Variants in RUNX3 observed in about 807,000 individuals in gnomAD.
RUNX3 encodes runt-related transcription factor 3.
Under a neutral mutation model 27.7 loss-of-function variants are expected in RUNX3, and 10 were observed. That is an observed-to-expected ratio of 0.36 (90% CI 0.22 to 0.61). The LOEUF (loss-of-function observed/expected upper bound fraction) is 0.61, where lower values mean the gene tolerates loss of function less well. Among genes scored for constraint, RUNX3 ranks in the 20% least tolerant of loss-of-function variants. RUNX3 has a pLI of 0.72. For missense variants in RUNX3, 469 were observed against 629.5 expected, an observed-to-expected ratio of 0.75 and a Z score of 2.73; for synonymous variants, 270 against 269.2, an observed-to-expected ratio of 1.00 and a Z score of -0.03.
At chr1:24,958,379 C>T (rs1642004511) in intron 2 of RUNX3, among the ~76,000 whole-genome samples, 1 of 152,186 alleles carries the variant, frequency 6.6e-6, no homozygotes, top group Admixed American at 6.5e-5. Flanking sequence ...AGTCAGTTTT[C>T]CTGCTGCTGA....
At chr1:24,929,456 C>T (rs780305594) in intron 1 of RUNX3, 131 bp downstream of exon 1, 4 of 931,226 alleles carry the variant, frequency 4.3e-6, no homozygotes, top group East Asian at 2.6e-5. Context: ...CCAGACTGAA[C>T]CGGGTGCCCG....
exon 2 of RUNX3, chr1:24,964,664 A>G: frequency 1.3e-6 from 2 of 1,510,748 alleles, no homozygotes; most frequent in South Asian, 1.2e-5. Flanking sequence ...TTTTTCCTCT[A>G]GCTACTTTTG....
intron 4 of RUNX3, among the ~76,000 whole-genome samples, chr1:24,906,125 A>G (rs1640660148): frequency 6.6e-6 from 1 of 152,194 alleles, no homozygotes; most frequent in Admixed American, 6.5e-5. Flanking sequence ...GTCAGTAGAG[A>G]GACCCAGTCG....
At chr1:24,957,542 G>A (rs1374343925) in intron 2 of RUNX3, among the ~76,000 whole-genome samples, 1 of 152,252 alleles carries the variant, frequency 6.6e-6, no homozygotes, top group African/African-American at 2.4e-5. Flanking sequence ...AAAGGGAAGG[G>A]CTGGGAAGGC....
rs554961170 is a variant in RUNX3 at position 24,908,258 on chromosome 1, C to T, written c.545-841G>A. Among the ~76,000 whole-genome samples the T allele has an allele frequency of 4.7e-4, 70 of 149,890 alleles. 2 individuals carry two copies. Among genetic ancestry groups the T allele is most frequent in the African/African-American group, 1.6e-3 (63 of 39,642 alleles). ...TGACACGCGGTGATCTGAACCTCTA[C>T]GACACGCGGTGATCCAAACCTCTAC... On this transcript the variant is annotated intron_variant, in intron 3 of 4. Coordinates refer to ENST00000308873, the MANE Select transcript of RUNX3 (RefSeq NM_004350.3).
At position 24,929,793 on chromosome 1, in the gene RUNX3, C is replaced by T. The variant is rs1641179806; in HGVS notation, c.76G>A (p.Gly26Ser). The change falls in exon 1 of 5, where the codon GGC becomes AGC. Residue 26 changes from glycine to serine, a missense_variant. By Grantham distance (56) the Gly-to-Ser change is moderately conservative. This residue lies in a region of RUNX3 where 115 missense variants were observed against 118.0 expected (regional missense o/e 0.97). Transcript: ENST00000308873. ...CCGCTGTTCTCGCCCATCTTGCCGC[C>T]GCCGCCGCCGCAGGGGAAGGCCGGG... ...PSPAFPCGGG[G>S]GKMGENSGAL... is the part of the protein sequence containing the mutation. The T allele has an allele frequency of 1.4e-6, 2 of 1,427,052 alleles. No individual in the cohort carries two copies. The highest frequency in any genetic ancestry group is 1.8e-6 in the Non-Finnish European group (2 of 1,098,262). 88.4% of individuals were successfully genotyped at this position (1,427,052 alleles called of 1,614,324 possible).
intron 2 of RUNX3, among the ~76,000 whole-genome samples, chr1:24,946,051 A>G (rs1477552047): frequency 6.6e-6 from 1 of 152,178 alleles, no homozygotes; most frequent in East Asian, 1.9e-4. Context: ...TTGAGAATGA[A>G]TGAATGAATG....
chr1:24,933,266 A>G (rs1393090710), upstream of RUNX3, among the ~76,000 whole-genome samples: 2 of 152,202 alleles, frequency 1.3e-5, no homozygotes, highest in African/African-American at 4.8e-5. Flanking sequence ...GCTCTAGGGA[A>G]AGTTGCCTAA....
In RUNX3 at chr1:24,929,689, C is replaced by G. The variant is rs1420456702; in HGVS notation, c.180G>C (p.Ala60=). ...PEVRSMVDVL[A]DHAGELVRTD... ...TGCGCACGAGCTCGCCTGCGTGGTC[C>G]GCCAGCACGTCCACCATCGAGCGCA... Residue 60 remains alanine, a synonymous_variant, in exon 1 of 5, where the codon GCG becomes GCC. Coordinates refer to ENST00000308873, the MANE Select transcript of RUNX3 (RefSeq NM_004350.3). 1 of 1,580,980 alleles carries G rather than the reference C, an allele frequency of 6.3e-7. No individual in the cohort carries two copies. Among genetic ancestry groups the G allele is most frequent in the South Asian group, 1.1e-5 (1 of 87,796 alleles).
rs569747043 is a variant in RUNX3 at position 24,954,713 on chromosome 1, C to T, written c.58+9801G>A. 6.6e-5 allele frequency among the ~76,000 whole-genome samples: 10 copies of T among 152,346 alleles called. No individual in the cohort carries two copies. The East Asian group carries it at 1.5e-3, about 24-fold the overall frequency. ...GTCCAACCACGGACGTGGCCATCCA[C>T]GGAGCCCTCTACGTGCCTCAGAGCA... On this transcript the variant is annotated intron_variant, in intron 2 of 6. Transcript: ENST00000338888.
At chr1:24,932,452 C>A (rs1229923708), upstream of RUNX3, among the ~76,000 whole-genome samples, 3 of 152,060 alleles carry the variant, frequency 2.0e-5, no homozygotes, top group African/African-American at 7.2e-5. Context: ...GAGGTGCGGG[C>A]CCGGCCGGGC....
chr1:24,945,332 A>G (rs900618690), intron 2 of RUNX3, among the ~76,000 whole-genome samples: 13 of 152,240 alleles, frequency 8.5e-5, no homozygotes, highest in African/African-American at 2.9e-4. Context: ...TAGGATCTCA[A>G]TAAATGTCTG....
chr1:24,920,035 G>A (rs796122887), intron 2 of RUNX3, among the ~76,000 whole-genome samples: 2 of 152,008 alleles, frequency 1.3e-5, no homozygotes, highest in African/African-American at 4.8e-5. Context: ...TATTTACATC[G>A]TTGCTAATTT....
intron 3 of RUNX3, among the ~76,000 whole-genome samples, chr1:24,915,158 T>C (rs2124271860): frequency 6.6e-6 from 1 of 151,890 alleles, no homozygotes; most frequent in Admixed American, 6.5e-5. Flanking sequence ...GTGCGGTGGC[T>C]CACGCCTGTA....
At chr1:24,934,507 G>C (rs546964185), upstream of RUNX3, among the ~76,000 whole-genome samples, 94 of 152,318 alleles carry the variant, frequency 6.2e-4, no homozygotes, top group African/African-American at 2.3e-3. Flanking sequence ...GCTCCCCTGA[G>C]CCTTGGTCCC....
At position 24,901,017 on chromosome 1, in the gene RUNX3, G is replaced by GTTTTTTTTTTTTT. The variant is rs1160936964; in HGVS notation, c.*1104_*1105insAAAAAAAAAAAAA. On this transcript the variant is annotated 3_prime_UTR_variant, in exon 5 of 5. Coordinates refer to ENST00000308873, the MANE Select transcript of RUNX3 (RefSeq NM_004350.3). ...TAAAATCAGTTTTAAAAACTGTTTT[G>GTTTTTTTTTTTTT]TTTTTTTTTTGTTTTTTTGTTTTTT... 8.0e-6 allele frequency: 1 copy of GTTTTTTTTTTTTT among 124,910 alleles called. No homozygotes were observed. The highest frequency in any genetic ancestry group is 3.0e-5 in the African/African-American group (1 of 32,794). 7.7% of individuals were successfully genotyped at this position (124,910 alleles called of 1,614,324 possible).
intron 2 of RUNX3, among the ~76,000 whole-genome samples, chr1:24,950,607 G>A (rs1001348657): frequency 3.9e-5 from 6 of 152,236 alleles, no homozygotes; most frequent in African/African-American, 4.8e-5. Flanking sequence ...GTGGCTGGGC[G>A]TGGGGTGGAT....
chr1:24,910,797 G>T (rs562532710), intron 3 of RUNX3, among the ~76,000 whole-genome samples: 20 of 152,354 alleles, frequency 1.3e-4, no homozygotes, highest in Non-Finnish European at 2.1e-4. Context: ...TCTCTGGCCA[G>T]GCCCCCACTG....
At chr1:24,950,855 G>A (rs1230759135) in intron 2 of RUNX3, among the ~76,000 whole-genome samples, 1 of 152,186 alleles carries the variant, frequency 6.6e-6, no homozygotes, top group Non-Finnish European at 1.5e-5. Flanking sequence ...GAGAGCTGAG[G>A]AGCCTAGGGG....
Sources: allele counts gnomAD v4.1 joint callset (sites outside exome capture counted in the v4.1 genomes callset), GRCh38; gene constraint gnomAD v4.1.1; regional missense constraint gnomAD v4.1.1; transcripts MANE v1.5; gene names NCBI Gene and HGNC (gene_info 2026-07-23, HGNC 2026-07-21).